IGF2BP3: variants seen among roughly 807,000 people sequenced by gnomAD.
IGF2BP3 encodes the protein insulin like growth factor 2 mRNA binding protein 3.
Under a neutral mutation model 73.8 loss-of-function variants are expected in IGF2BP3, and 9 were observed. The observed-to-expected ratio is 0.12, with a 90% CI of 0.07 to 0.21. The LOEUF is 0.21. IGF2BP3 is among the 10% of genes least tolerant of loss of function. The pLI, the probability that IGF2BP3 is intolerant of heterozygous loss-of-function variation, is 1.00. For synonymous variants in IGF2BP3, 258 were observed against 256.7 expected, an observed-to-expected ratio of 1.01 and a Z score of -0.05; for missense variants, 542 against 714.0, an observed-to-expected ratio of 0.76 and a Z score of 2.75.
intron 3 of IGF2BP3, among the ~76,000 whole-genome samples, chr7:23,371,872 G>C (rs1205974628): frequency 6.6e-6 from 1 of 152,048 alleles, no homozygotes; most frequent in Non-Finnish European, 1.5e-5. Context: ...AAGTTATCCG[G>C]CCACACTGGA....
intron 10 of IGF2BP3, among the ~76,000 whole-genome samples, chr7:23,322,417 T>C (rs1784182300): frequency 6.6e-6 from 1 of 152,108 alleles, no homozygotes; most frequent in Non-Finnish European, 1.5e-5. Context: ...AATATGGGAC[T>C]ATGTGAAAAG....
At chr7:23,347,517 A>C in intron 7 of IGF2BP3, 83 bp downstream of exon 7, 1 of 1,465,248 alleles carries the variant, frequency 6.8e-7, no homozygotes, top group Non-Finnish European at 9.4e-7. Context: ...TTTGTTGGCA[A>C]TTCCCAAGAA....
At chr7:23,468,576 A>C in intron 1 of IGF2BP3, 34 bp from the exon 2 acceptor site, 1 of 1,609,302 alleles carries the variant, frequency 6.2e-7, no homozygotes, top group Non-Finnish European at 8.5e-7. Flanking sequence ...CGGTCGGCCG[A>C]GTTCAGCGGC....
In IGF2BP3 at chr7:23,445,036, C is replaced by T. The variant is rs570020481; in HGVS notation, c.236+23446G>A. Among the ~76,000 whole-genome samples, 14 of 152,192 alleles carry T rather than the reference C, an allele frequency of 9.2e-5. 1 individual carries two copies. Among genetic ancestry groups the T allele is most frequent in the South Asian group, 4.2e-4 (2 of 4,812 alleles). On this transcript the variant is annotated intron_variant, in intron 2 of 14. Coordinates refer to ENST00000258729, the MANE Select transcript of IGF2BP3 (RefSeq NM_006547.3). ...TTATACCACTGCATTCCAGCCTGGGCGGCAGAGTGAGACCCTGTCTCTAAA... is the reference window on the plus strand; with the variant it reads ...TTATACCACTGCATTCCAGCCTGGGTGGCAGAGTGAGACCCTGTCTCTAAA...
intron 10 of IGF2BP3, among the ~76,000 whole-genome samples, chr7:23,337,689 A>T (rs781144945): frequency 3.3e-5 from 5 of 152,190 alleles, no homozygotes; most frequent in Non-Finnish European, 7.3e-5. Context: ...GGATGCTGCC[A>T]ATTTTGATCC....
At chr7:23,428,742 A>G (rs1787592033) in intron 2 of IGF2BP3, among the ~76,000 whole-genome samples, 1 of 150,858 alleles carries the variant, frequency 6.6e-6, no homozygotes, top group Admixed American at 6.6e-5. Context: ...AAAAAAAAAA[A>G]AGGAGTCCAA....
Position 23,346,224 on chromosome 7 carries a change from T to C in IGF2BP3, c.819-162A>G, listed in dbSNP as rs989623174. On this transcript the variant is annotated intron_variant, in intron 7 of 14. Coordinates refer to ENST00000258729, the MANE Select transcript of IGF2BP3 (RefSeq NM_006547.3). ...TGACAATTGGCCAGCATTCTAGCAATGCATGAATAGAAGGGGAGAAAAAAT... is the reference window on the plus strand; with the variant it reads ...TGACAATTGGCCAGCATTCTAGCAACGCATGAATAGAAGGGGAGAAAAAAT... 44 of 632,330 alleles carry C rather than the reference T, an allele frequency of 7.0e-5. No homozygotes were observed. The African/African-American group carries it at 7.5e-4, about 11-fold the overall frequency. The allele number at this position is 632,330 out of a possible 1,614,324, so 39.2% of individuals were successfully genotyped here.
At chr7:23,452,573 AC>A (rs1788226269) in intron 2 of IGF2BP3, among the ~76,000 whole-genome samples, 1 of 151,764 alleles carries the variant, frequency 6.6e-6, no homozygotes, top group South Asian at 2.1e-4. Context: ...GGAGGCTGAG[AC>A]GGGTGAATCA....
At chr7:23,340,205 C>T (rs1214543079) in intron 10 of IGF2BP3, among the ~76,000 whole-genome samples, 3 of 152,168 alleles carry the variant, frequency 2.0e-5, no homozygotes, top group South Asian at 4.2e-4. Flanking sequence ...TCAGGGGGCA[C>T]GTAATGAATC....
intron 2 of IGF2BP3, among the ~76,000 whole-genome samples, chr7:23,423,739 G>T (rs1028500539): frequency 6.6e-6 from 1 of 151,306 alleles, no homozygotes; most frequent in African/African-American, 2.4e-5. Flanking sequence ...TAAAGGGACC[G>T]AGAAAAACAA....
chr7:23,436,129 A>G (rs1425885637), intron 2 of IGF2BP3, among the ~76,000 whole-genome samples: 1 of 152,230 alleles, frequency 6.6e-6, no homozygotes, highest in African/African-American at 2.4e-5. Context: ...TAAGTAAAAC[A>G]AACTTAAGAC....
At chr7:23,383,867 C>A (rs548242438) in intron 3 of IGF2BP3, among the ~76,000 whole-genome samples, 1 of 151,882 alleles carries the variant, frequency 6.6e-6, no homozygotes, top group Non-Finnish European at 1.5e-5. Context: ...GAGGCCGAGG[C>A]GGGCAGATCA....
chr7:23,318,219 C>T lies in IGF2BP3; in HGVS notation c.1321-506G>A, dbSNP rs369831789. On this transcript the variant is annotated intron_variant, in intron 11 of 14. Transcript: ENST00000258729. Reference sequence around the variant, plus strand: ...TACCCTAAGTTTCAAGGATACTGCACACCACATGCCTTTGTTTGTCTGAGG... The same window carrying T: ...TACCCTAAGTTTCAAGGATACTGCATACCACATGCCTTTGTTTGTCTGAGG... Among the ~76,000 whole-genome samples the T allele has an allele frequency of 3.4e-4, 52 of 152,238 alleles. 2 individuals are homozygous for T. In the South Asian group the frequency reaches 0.01, roughly 30 times the overall value.
chr7:23,401,687 C>T (rs945188538), intron 3 of IGF2BP3, among the ~76,000 whole-genome samples: 1 of 152,118 alleles, frequency 6.6e-6, no homozygotes, highest in East Asian at 1.9e-4. Flanking sequence ...ATGGCTTGAA[C>T]CCAGGAGGTA....
intron 3 of IGF2BP3, among the ~76,000 whole-genome samples, chr7:23,369,772 C>T (rs1785489763): frequency 6.6e-6 from 1 of 152,010 alleles, no homozygotes; most frequent in Non-Finnish European, 1.5e-5. Context: ...CAGATTTTCT[C>T]AGCCACATAC....
rs144748737 is a variant in IGF2BP3 at position 23,331,337 on chromosome 7, T to C, written c.1203+10727A>G. 2.6e-5 allele frequency among the ~76,000 whole-genome samples: 4 copies of C among 152,324 alleles called. No individual in the cohort carries two copies. The East Asian group carries it at 7.7e-4, about 29-fold the overall frequency. ...GTTTATGTTTAAAAATTTGATTGCA[T>C]CATTACATGAATTAGTGAAAAATGG... On this transcript the variant is annotated intron_variant, in intron 10 of 14. Transcript: ENST00000258729.
intron 8 of IGF2BP3, 27 bp downstream of exon 8, chr7:23,345,913 C>T (rs754588851): frequency 6.2e-7 from 1 of 1,605,884 alleles, no homozygotes; most frequent in African/African-American, 1.3e-5. Context: ...GGAAAGTTTT[C>T]TTATTCAAAA....
In IGF2BP3 at chr7:23,361,694, C is replaced by G; in HGVS notation, c.333G>C (p.Glu111Asp). 1 of 1,613,970 alleles carries G rather than the reference C, an allele frequency of 6.2e-7. No individual in the cohort carries two copies. ...LVQYGVVESC[E>D]QVNTDSETAV... Reference sequence around the variant, plus strand: ...AGCAATTCAGAAGACATGTACCTTGCTCACAGCTCTCCACCACTCCATACT... The same window carrying G: ...AGCAATTCAGAAGACATGTACCTTGGTCACAGCTCTCCACCACTCCATACT... The change falls in exon 4 of 15, where the codon GAG (glutamate) becomes GAC (aspartate). Residue 111 changes from glutamate (E) to aspartate (D), a missense_variant. This residue lies in a region of IGF2BP3 where 239 missense variants were observed against 241.9 expected (regional missense o/e 0.99). Coordinates refer to ENST00000258729, the MANE Select transcript of IGF2BP3 (RefSeq NM_006547.3).
intron 2 of IGF2BP3, among the ~76,000 whole-genome samples, chr7:23,460,192 A>C (rs1313429044): frequency 6.7e-6 from 1 of 149,868 alleles, no homozygotes; most frequent in East Asian, 1.9e-4. Context: ...AAAAAAAAAA[A>C]AAAACAAAAA....
Sources: allele counts gnomAD v4.1 joint callset (sites outside exome capture counted in the v4.1 genomes callset), GRCh38; gene constraint gnomAD v4.1.1; regional missense constraint gnomAD v4.1.1; transcripts MANE v1.5; gene names NCBI Gene and HGNC (gene_info 2026-07-23, HGNC 2026-07-21).